The following STK32B variants were observed in gnomAD, a reference collection of about 807,000 sequenced individuals.
STK32B encodes the protein serine/threonine kinase 32B.
Under a neutral mutation model 52.6 loss-of-function variants are expected in STK32B, and 43 were observed. The observed-to-expected ratio is 0.82, with a 90% CI of 0.64 to 1.05. The LOEUF is 1.05. STK32B is among the 50% of genes least tolerant of loss of function. The pLI is 0.00. For synonymous variants in STK32B, 238 were observed against 204.3 expected (o/e 1.17, Z -1.41); for missense variants, 621 against 534.6 (o/e 1.16, Z -1.59).
Position 5,385,668 on chromosome 4 carries a change from C to G in STK32B, c.435-12539C>G, listed in dbSNP as rs570750385. ...TGTAACCCTTCTCCTCTGCAAAGAT[C>G]TCCAGGTCGTTTGTTGCACTTAGAG... is the stretch of plus-strand genomic sequence containing the variant. On this transcript the variant is annotated intron_variant, in intron 4 of 11. Coordinates refer to ENST00000282908, the MANE Select transcript of STK32B (RefSeq NM_018401.3). 5.3e-5 allele frequency among the ~76,000 whole-genome samples: 8 copies of G among 152,234 alleles called. No homozygotes were observed. The East Asian group carries it at 1.5e-3, about 29-fold the overall frequency.
At chr4:5,249,481 TC>T (rs1725748148) in intron 3 of STK32B, among the ~76,000 whole-genome samples, 1 of 115,032 alleles carries the variant, frequency 8.7e-6, no homozygotes, top group South Asian at 2.8e-4. Context: ...CTTCCTTCCT[TC>T]CTTCCTTCCT....
intron 11 of STK32B, among the ~76,000 whole-genome samples, chr4:5,493,921 T>G (rs1157502121): frequency 1.3e-5 from 2 of 152,276 alleles, no homozygotes; most frequent in African/African-American, 2.4e-5. Flanking sequence ...AGTTCTAGTT[T>G]GATAGCACTG....
chr4:5,130,172 G>GGGT (rs1553830449), intron 1 of STK32B, among the ~76,000 whole-genome samples: 3 of 151,352 alleles, frequency 2.0e-5, no homozygotes, highest in African/African-American at 7.3e-5. Flanking sequence ...CTTCTCCGGC[G>GGGT]GGGGGAGGCC....
intron 3 of STK32B, among the ~76,000 whole-genome samples, chr4:5,286,245 C>A (rs556593173): frequency 6.6e-6 from 1 of 152,260 alleles, no homozygotes; most frequent in Non-Finnish European, 1.5e-5. Context: ...CCATTTTACA[C>A]CCAACAGATG....
At chr4:5,294,239 T>C (rs1461551411) in intron 3 of STK32B, among the ~76,000 whole-genome samples, 2 of 152,202 alleles carry the variant, frequency 1.3e-5, no homozygotes, top group Non-Finnish European at 1.5e-5. Context: ...CCAGCTTTGT[T>C]CTTTTTGCTT....
chr4:5,084,456 G>C (rs1712606677), intron 1 of STK32B, among the ~76,000 whole-genome samples: 1 of 151,978 alleles, frequency 6.6e-6, no homozygotes. Flanking sequence ...ATATTTTGAA[G>C]ACATGAAAAA....
rs147232760 is a variant in STK32B, at chr4:5,164,674, C to T, written c.109-3625C>T. Among the ~76,000 whole-genome samples the T allele has an allele frequency of 6.5e-4, 99 of 152,254 alleles. No homozygotes were observed. In the East Asian group the frequency reaches 0.017, roughly 26 times the overall value. On this transcript the variant is annotated intron_variant, in intron 2 of 11. Coordinates refer to ENST00000282908, the MANE Select transcript of STK32B (RefSeq NM_018401.3). ...TTACACTGTATTATCACAGGGTGAA[C>T]AGCAGGATCTCCGATGAGCAGAATG...
rs183214084 is a variant in STK32B, at chr4:5,161,838, C to A, written c.109-6461C>A. On this transcript the variant is annotated intron_variant, in intron 2 of 11. Transcript: ENST00000282908. ...TATTTAATTGTTTTTCTTCCCCCTA[C>A]CCCCACCCACCCCAAATCGGTCATT... Among the ~76,000 whole-genome samples, 441 of 147,044 alleles carry A rather than the reference C, an allele frequency of 3.0e-3. 4 individuals carry two copies. Among genetic ancestry groups the A allele is most frequent in the Non-Finnish European group, 4.8e-3 (322 of 66,536 alleles).
intron 6 of STK32B, among the ~76,000 whole-genome samples, chr4:5,437,418 G>T (rs1369671345): frequency 6.6e-6 from 1 of 152,184 alleles, no homozygotes; most frequent in Non-Finnish European, 1.5e-5. Flanking sequence ...TGGCCGCATT[G>T]CCCTGATCTG....
At chr4:5,046,277 A>C in the STK32B span, among the ~76,000 whole-genome samples, 2 of 152,210 alleles carry the variant, frequency 1.3e-5, no homozygotes, top group Admixed American at 6.5e-5. Flanking sequence ...AGGATCTCCT[A>C]TTCAATAAAT....
At chr4:5,257,059 G>A (rs1726360039) in intron 3 of STK32B, among the ~76,000 whole-genome samples, 1 of 104,776 alleles carries the variant, frequency 9.5e-6, no homozygotes, top group South Asian at 3.1e-4. Context: ...GAATGAATAT[G>A]TGAGTAAATG....
At chr4:5,039,654 T>C in the STK32B span, among the ~76,000 whole-genome samples, 3 of 152,242 alleles carry the variant, frequency 2.0e-5, no homozygotes, top group African/African-American at 7.2e-5. Flanking sequence ...ATTATCATTA[T>C]CAGGTGTTAT....
chr4:5,475,424 CAAAAA>C (rs34219344), intron 11 of STK32B, among the ~76,000 whole-genome samples: 2 of 56,946 alleles, frequency 3.5e-5, no homozygotes, highest in South Asian at 7.2e-4. Context: ...GACTCCATCT[CAAAAA>C]AAAAAAAAAA....
At chr4:5,022,328 G>C in the STK32B span, among the ~76,000 whole-genome samples, 14 of 152,300 alleles carry the variant, frequency 9.2e-5, no homozygotes, top group African/African-American at 3.1e-4. Flanking sequence ...GTGTTACTCA[G>C]AGATTAAGGC....
intron 3 of STK32B, among the ~76,000 whole-genome samples, chr4:5,228,894 G>T (rs946738477): frequency 1.3e-5 from 2 of 152,074 alleles, no homozygotes; most frequent in Non-Finnish European, 2.9e-5. Context: ...TTGAACCCAG[G>T]AGTCGGAGGG....
At chr4:5,193,024 CCCAGTGCCTT>C (rs1210505869) in intron 3 of STK32B, among the ~76,000 whole-genome samples, 1 of 152,136 alleles carries the variant, frequency 6.6e-6, no homozygotes, top group African/African-American at 2.4e-5. Context: ...CCCAGTGCCT[CCCAGTGCCTT>C]CCCTCCCTGT....
At chr4:5,444,396 C>G (rs570753598) in intron 6 of STK32B, among the ~76,000 whole-genome samples, 4 of 152,212 alleles carry the variant, frequency 2.6e-5, no homozygotes, top group Non-Finnish European at 4.4e-5. Flanking sequence ...TTCTTTGACT[C>G]GGAAAGGGAA....
chr4:5,397,814 G>A (rs1324122140), intron 4 of STK32B, among the ~76,000 whole-genome samples: 4 of 152,350 alleles, frequency 2.6e-5, no homozygotes, highest in East Asian at 1.9e-4. Flanking sequence ...CATTGAGCTC[G>A]AGTGGATGCC....
chr4:5,333,457 C>T (rs1175354758), intron 4 of STK32B, among the ~76,000 whole-genome samples: 2 of 152,126 alleles, frequency 1.3e-5, no homozygotes, highest in African/African-American at 2.4e-5. Flanking sequence ...AGTTTCTTTG[C>T]TGTGCAGAAG....
Sources: allele counts gnomAD v4.1 joint callset (sites outside exome capture counted in the v4.1 genomes callset), GRCh38; gene constraint gnomAD v4.1.1; transcripts MANE v1.5; gene names NCBI Gene and HGNC (gene_info 2026-07-23, HGNC 2026-07-21).